The following LRP1B variants were observed in gnomAD, a reference collection of about 807,000 sequenced individuals.
LRP1B encodes low-density lipoprotein receptor-related protein 1B.
LRP1B carries 217 observed loss-of-function variants against 556.6 expected under a neutral mutation model. That is an observed-to-expected ratio of 0.39 (90% CI 0.35 to 0.44). LRP1B has a LOEUF of 0.44. Among genes scored for constraint, LRP1B ranks in the 20% least tolerant of loss-of-function variants. The probability of loss-of-function intolerance (pLI) is 1.00; values close to 1 mark genes in which losing one functional copy is unlikely to be tolerated. For missense variants in LRP1B, 5,053 were observed against 5,620.8 expected (o/e 0.90, Z 3.23); for synonymous variants, 2,047 against 1,865.8 (o/e 1.10, Z -2.50).
At chr2:142,059,281 T>A (rs185487753) in intron 1 of LRP1B, among the ~76,000 whole-genome samples, 2 of 152,170 alleles carry the variant, frequency 1.3e-5, no homozygotes, top group Non-Finnish European at 1.5e-5. Context: ...CTGAAATGAG[T>A]GAATTTTTTG....
At chr2:141,237,007 A>G (rs1440592205) in intron 5 of LRP1B, among the ~76,000 whole-genome samples, 1 of 152,218 alleles carries the variant, frequency 6.6e-6, no homozygotes, top group East Asian at 1.9e-4. Context: ...CACAGGTATC[A>G]GATATCTGAA....
intron 60 of LRP1B, among the ~76,000 whole-genome samples, chr2:140,461,267 T>C (rs1315816342): frequency 6.6e-6 from 1 of 152,086 alleles, no homozygotes; most frequent in Non-Finnish European, 1.5e-5. Flanking sequence ...TTCTGACTAA[T>C]CTACTTTAAA....
At position 140,867,953 on chromosome 2, in the gene LRP1B, G is replaced by T. The variant is rs879095320; in HGVS notation, c.4335-119C>A. On this transcript the variant is annotated intron_variant, in intron 26 of 90. Coordinates refer to ENST00000389484, the MANE Select transcript of LRP1B (RefSeq NM_018557.3). ...ATTTTATAAATATTTTTATGGGTCT[G>T]TATCTGATTTGGGGCAAGCAAAAAA... is the stretch of plus-strand genomic sequence containing the variant. The T allele has an allele frequency of 2.3e-6, 3 of 1,288,794 alleles. No individual in the cohort carries two copies. In the South Asian group the frequency reaches 5.1e-5, roughly 22 times the overall value. 79.8% of individuals were successfully genotyped at this position (1,288,794 alleles called of 1,614,324 possible).
intron 1 of LRP1B, among the ~76,000 whole-genome samples, chr2:141,880,618 T>C (rs1366704637): frequency 6.6e-6 from 1 of 152,038 alleles, no homozygotes; most frequent in African/African-American, 2.4e-5. Context: ...AATTGATAGA[T>C]GTCAATATTG....
intron 55 of LRP1B, among the ~76,000 whole-genome samples, chr2:140,499,674 C>T (rs1033642650): frequency 4.6e-5 from 7 of 151,616 alleles, no homozygotes; most frequent in African/African-American, 1.7e-4. Flanking sequence ...TAACACAATG[C>T]TAAGTATTTG....
chr2:141,989,350 A>C (rs1037693119), intron 1 of LRP1B, among the ~76,000 whole-genome samples: 11 of 152,070 alleles, frequency 7.2e-5, no homozygotes, highest in Non-Finnish European at 1.6e-4. Flanking sequence ...GTCATAATTC[A>C]ATATCAGAGA....
chr2:141,521,875 A>T (rs933200288), intron 2 of LRP1B, among the ~76,000 whole-genome samples: 1 of 152,146 alleles, frequency 6.6e-6, no homozygotes, highest in African/African-American at 2.4e-5. Context: ...AATTTTACCA[A>T]TCTTAATACA....
chr2:140,479,487 T>C (rs1477182662), intron 59 of LRP1B, among the ~76,000 whole-genome samples: 1 of 152,156 alleles, frequency 6.6e-6, no homozygotes, highest in Non-Finnish European at 1.5e-5. Context: ...CATAAAAGAA[T>C]GTCTGCTTGT....
At chr2:141,723,476 C>A (rs1692917115) in intron 2 of LRP1B, among the ~76,000 whole-genome samples, 1 of 151,420 alleles carries the variant, frequency 6.6e-6, no homozygotes, top group Non-Finnish European at 1.5e-5. Context: ...TATAGAACTG[C>A]ATAAATAACA....
intron 31 of LRP1B, among the ~76,000 whole-genome samples, chr2:140,824,202 T>C (rs1691427407): frequency 6.6e-6 from 1 of 152,104 alleles, no homozygotes; most frequent in Non-Finnish European, 1.5e-5. Context: ...ACATAAGCTA[T>C]TAAATATATT....
chr2:141,794,031 A>T (rs1038452358), intron 2 of LRP1B, among the ~76,000 whole-genome samples: 2 of 151,996 alleles, frequency 1.3e-5, no homozygotes, highest in African/African-American at 2.4e-5. Context: ...AAATGCATTG[A>T]AAGCAAGCAT....
chr2:141,601,202 G>GTATC (rs4008441), intron 2 of LRP1B, among the ~76,000 whole-genome samples: 23,887 of 148,760 alleles, frequency 0.16, 2,326 homozygotes, highest in African/African-American at 0.28. Context: ...CTGTCTGTCA[G>GTATC]TATCTATCTA....
chr2:141,152,103 T>C (rs1231575220), intron 7 of LRP1B, among the ~76,000 whole-genome samples: 3 of 152,016 alleles, frequency 2.0e-5, no homozygotes, highest in African/African-American at 4.8e-5. Flanking sequence ...TGCTCACTTC[T>C]GTAAATTATT....
intron 1 of LRP1B, among the ~76,000 whole-genome samples, chr2:141,984,256 C>A (rs183680712): frequency 7.2e-5 from 11 of 151,792 alleles, no homozygotes; most frequent in Non-Finnish European, 1.2e-4. Flanking sequence ...TATGCTGCAC[C>A]CATAAACTCG....
chr2:140,233,801 AAAG>A lies in LRP1B; in HGVS notation c.13660-478_13660-476del, dbSNP rs200668443. 2.1e-4 allele frequency among the ~76,000 whole-genome samples: 32 copies of A among 151,504 alleles called. No homozygotes were observed. The East Asian group carries it at 5.1e-3, about 24-fold the overall frequency. ...CTTAAAAACAAGTAAACAAAAATGT[AAAG>A]AAATGCATTAGTGTATCAGATTTTT... On this transcript the variant is annotated intron_variant, in intron 90 of 90. Transcript: ENST00000389484.
intron 25 of LRP1B, among the ~76,000 whole-genome samples, chr2:140,881,253 AGTGT>A (rs3063611): frequency 4.7e-5 from 7 of 149,028 alleles, no homozygotes; most frequent in African/African-American, 1.7e-4. Context: ...CTTTGCTGTA[AGTGT>A]GTGTGTGTGT....
At chr2:140,802,904 G>A (rs149354128) in intron 32 of LRP1B, among the ~76,000 whole-genome samples, 1 of 152,190 alleles carries the variant, frequency 6.6e-6, no homozygotes, top group African/African-American at 2.4e-5. Context: ...TGAATTCTTA[G>A]TTAAGTAGAT....
intron 41 of LRP1B, among the ~76,000 whole-genome samples, chr2:140,626,128 G>A (rs1683648436): frequency 6.6e-6 from 1 of 152,142 alleles, no homozygotes. Context: ...AATCTGTAAA[G>A]GCTGCATACT....
intron 7 of LRP1B, among the ~76,000 whole-genome samples, chr2:141,140,183 G>A (rs1701607747): frequency 6.6e-6 from 1 of 151,926 alleles, no homozygotes. Flanking sequence ...TTCTTAAGGG[G>A]GAGGAAAAAC....
Sources: gnomAD v4.1 joint callset for allele counts (sites outside exome capture counted in the v4.1 genomes callset) on GRCh38, gnomAD v4.1.1 for gene constraint, MANE v1.5 for transcripts, NCBI Gene and HGNC (gene_info 2026-07-23, HGNC 2026-07-21) for gene names.